KMT2C: variants seen among roughly 807,000 people sequenced by gnomAD.
KMT2C encodes the protein lysine methyltransferase 2C.
A neutral mutation model predicts 507.9 loss-of-function variants in KMT2C; 88 were observed. That is an observed-to-expected ratio of 0.17 (90% CI 0.15 to 0.21). The LOEUF (loss-of-function observed/expected upper bound fraction) is 0.21. Ranked by LOEUF, KMT2C falls within the 10% of genes least tolerant of loss-of-function variation. KMT2C has a pLI of 1.00. For synonymous variants in KMT2C, 2,049 were observed against 2,080.8 expected (o/e 0.98, Z 0.42); for missense variants, 4,954 against 5,957.8 (o/e 0.83, Z 5.55).
chr7:152,196,876 G>A (rs1172249271), intron 27 of KMT2C, among the ~76,000 whole-genome samples: 3 of 152,254 alleles, frequency 2.0e-5, no homozygotes, highest in Admixed American at 6.5e-5. Context: ...GTTTGCCAAC[G>A]AGAGGCCAGA....
At chr7:152,167,125 T>C in intron 42 of KMT2C, 21 bp downstream of exon 42, 1 of 1,579,238 alleles carries the variant, frequency 6.3e-7, no homozygotes. Flanking sequence ...GTAGTTTCTA[T>C]TTTGCAAACC....
intron 2 of KMT2C, among the ~76,000 whole-genome samples, chr7:152,342,167 G>C (rs2097001145): frequency 6.6e-6 from 1 of 152,016 alleles, no homozygotes; most frequent in Non-Finnish European, 1.5e-5. Flanking sequence ...CATTACATAA[G>C]CAACAGCTAA....
At chr7:152,279,139 T>C (rs1278945818) in intron 6 of KMT2C, among the ~76,000 whole-genome samples, 8 of 152,106 alleles carry the variant, frequency 5.3e-5, no homozygotes, top group Non-Finnish European at 7.4e-5. Context: ...CTAGACCTAA[T>C]ACAATAAAAA....
At chr7:152,254,390 T>C (rs2095611363) in intron 9 of KMT2C, among the ~76,000 whole-genome samples, 1 of 152,092 alleles carries the variant, frequency 6.6e-6, no homozygotes, top group South Asian at 2.1e-4. Context: ...TATGCCCAGG[T>C]GGAGTTTATA....
At chr7:152,207,095 G>A (rs568175001) in intron 24 of KMT2C, among the ~76,000 whole-genome samples, 63 of 152,236 alleles carry the variant, frequency 4.1e-4, no homozygotes, top group African/African-American at 1.4e-3. Context: ...GATTCATTGT[G>A]AAGTATTCAC....
intron 1 of KMT2C, among the ~76,000 whole-genome samples, chr7:152,408,935 T>A (rs2097651769): frequency 6.6e-6 from 1 of 152,024 alleles, no homozygotes; most frequent in Non-Finnish European, 1.5e-5. Context: ...TTCTACACTA[T>A]CTAAAAAACT....
intron 1 of KMT2C, among the ~76,000 whole-genome samples, chr7:152,416,791 C>T (rs1032695144): frequency 2.0e-5 from 3 of 150,434 alleles, no homozygotes; most frequent in Non-Finnish European, 3.0e-5. Flanking sequence ...GTGGCTCACA[C>T]CTGTAATCCC....
chr7:152,415,531 C>T (rs919226911), intron 1 of KMT2C, among the ~76,000 whole-genome samples: 3 of 152,076 alleles, frequency 2.0e-5, no homozygotes, highest in African/African-American at 7.2e-5. Context: ...ATGCCCCCAC[C>T]CCAATAAACC....
chr7:152,167,404 T>C, intron 41 of KMT2C, 26 bp from the exon 42 acceptor site: 1 of 1,513,524 alleles, frequency 6.6e-7, no homozygotes, highest in Non-Finnish European at 9.1e-7. Context: ...AATTCAGTTG[T>C]GTTAATTTTC....
At chr7:152,433,011 G>A (rs1564243206) in intron 1 of KMT2C, among the ~76,000 whole-genome samples, 1 of 152,200 alleles carries the variant, frequency 6.6e-6, no homozygotes, top group Middle Eastern at 3.4e-3. Flanking sequence ...AGCTAGGTGC[G>A]ATGGCGCACA....
intron 1 of KMT2C, among the ~76,000 whole-genome samples, chr7:152,365,721 T>C (rs1301276121): frequency 1.3e-5 from 2 of 152,216 alleles, no homozygotes; most frequent in Non-Finnish European, 2.9e-5. Flanking sequence ...GATATTAACA[T>C]AGCCACTCCA....
chr7:152,175,621 T>C (rs911424594), intron 38 of KMT2C, among the ~76,000 whole-genome samples: 2 of 152,252 alleles, frequency 1.3e-5, no homozygotes, highest in South Asian at 2.1e-4. Context: ...TCCAGCTTCA[T>C]CCATGTCCTG....
At position 152,181,360 on chromosome 7, in the gene KMT2C, C is replaced by T. The variant is rs748645400; in HGVS notation, c.6500G>A (p.Arg2167Gln). The T allele has an allele frequency of 2.7e-5, 44 of 1,613,596 alleles. No individual in the cohort carries two copies. The highest frequency in any genetic ancestry group is 1.6e-4 in the Middle Eastern group (1 of 6,084). Residue 2167 changes from arginine to glutamine, a missense_variant, in exon 36 of 59, where the codon CGG (arginine) becomes CAG (glutamine). Around this residue, in one of 29 missense-constraint regions of KMT2C, gnomAD observed 1,689 missense variants for 1,654.3 expected, o/e 1.02. Transcript: ENST00000262189. ...DPYSQPPGTP[R>Q]PTTVDPYSQQ... is the part of the protein sequence containing the mutation. ...ACTATATGGGTCAACAGTAGTAGGC[C>T]GGGGAGTTCCAGGAGGTTGAGAGTA...
intron 58 of KMT2C, 67 bp from the exon 59 acceptor site, chr7:152,136,991 C>G: frequency 8.4e-7 from 1 of 1,190,884 alleles, no homozygotes; most frequent in Non-Finnish European, 1.2e-6. Context: ...CTGCCTCCAT[C>G]TCCCTTGCAT....
In KMT2C at chr7:152,181,349, C is replaced by T. The variant is rs570008157; in HGVS notation, c.6511G>A (p.Val2171Ile). 3.0e-5 allele frequency: 48 copies of T among 1,613,874 alleles called. No homozygotes were observed. In the South Asian group the frequency reaches 4.8e-4, roughly 16 times the overall value. Reference protein sequence around the residue: ...QPPGTPRPTTVDPYSQQPQTP... With the variant: ...QPPGTPRPTTIDPYSQQPQTP... ...TGGGGCTGCTGACTATATGGGTCAA[C>T]AGTAGTAGGCCGGGGAGTTCCAGGA... The change falls in exon 36 of 59, where the codon GTT becomes ATT. Residue 2171 changes from valine to isoleucine, a missense_variant. Transcript: ENST00000262189.
intron 1 of KMT2C, among the ~76,000 whole-genome samples, chr7:152,419,012 A>G (rs1056118817): frequency 6.6e-6 from 1 of 151,874 alleles, no homozygotes; most frequent in East Asian, 1.9e-4. Context: ...TGGGTGACAT[A>G]GTGAGACGAC....
In KMT2C at chr7:152,291,432, A is replaced by C. The variant is rs527529202; in HGVS notation, c.850-17565T>G. Among the ~76,000 whole-genome samples, 733 of 152,346 alleles carry C rather than the reference A, an allele frequency of 4.8e-3. 5 individuals are homozygous for C. The highest frequency in any genetic ancestry group is 0.017 in the African/African-American group (697 of 41,600). On this transcript the variant is annotated intron_variant, in intron 6 of 58. Transcript: ENST00000262189. ...CAAAGTACCTGCTAATAAATAATAC[A>C]GTAAATAATCAGGCTTTAAACACCT...
intron 39 of KMT2C, among the ~76,000 whole-genome samples, chr7:152,171,719 TAA>T (rs1231278171): frequency 6.6e-6 from 1 of 152,244 alleles, no homozygotes; most frequent in African/African-American, 2.4e-5. Context: ...AGAATAAAAA[TAA>T]GTTGATTTAG....
intron 9 of KMT2C, among the ~76,000 whole-genome samples, chr7:152,257,855 A>ACACACACACG (rs1491579232): frequency 2.0e-5 from 3 of 148,928 alleles, no homozygotes; most frequent in Admixed American, 2.0e-4. Context: ...CCGATGAGCT[A>ACACACACACG]CACACACACG....
Sources: allele counts gnomAD v4.1 joint callset (sites outside exome capture counted in the v4.1 genomes callset), GRCh38; gene constraint gnomAD v4.1.1; regional missense constraint gnomAD v4.1.1; transcripts MANE v1.5; gene names NCBI Gene and HGNC (gene_info 2026-07-23, HGNC 2026-07-21).